Variants in AFF4 observed in about 807,000 individuals in gnomAD.
AFF4 encodes ALF transcription elongation factor 4, also known as AF4/FMR2 family member 4.
A neutral mutation model predicts 124.8 loss-of-function variants in AFF4; 13 were observed. The ratio of observed to expected loss-of-function variants is 0.10; its 90% CI spans 0.07 to 0.17. AFF4 has a LOEUF of 0.17. Ranked by LOEUF, AFF4 falls within the 10% of genes least tolerant of loss-of-function variation. The pLI, the probability that AFF4 is intolerant of heterozygous loss-of-function variation, is 1.00. For missense variants in AFF4, 1,092 were observed against 1,403.8 expected (o/e 0.78, Z 3.55); for synonymous variants, 477 against 496.1 (o/e 0.96, Z 0.51).
chr5:132,953,242 C>T (rs138802060), intron 1 of AFF4, among the ~76,000 whole-genome samples: 5 of 150,974 alleles, frequency 3.3e-5, no homozygotes, highest in Admixed American at 6.6e-5. Context: ...TTTTTAATTT[C>T]GATTTTTTAT....
rs1465402998 is a variant in AFF4 at position 132,963,503 on chromosome 5, G to C, written c.-249C>G. 3 of 397,876 alleles carry C rather than the reference G, an allele frequency of 7.5e-6. No individual in the cohort carries two copies. Among genetic ancestry groups the C allele is most frequent in the Non-Finnish European group, 1.3e-5 (3 of 225,654 alleles). 24.6% of individuals were successfully genotyped at this position (397,876 alleles called of 1,614,324 possible). A position where few individuals can be genotyped will look rare whatever the true frequency, so the allele number is the denominator to read the frequency against. On this transcript the variant is annotated 5_prime_UTR_variant, in exon 1 of 21. Coordinates refer to ENST00000265343, the MANE Select transcript of AFF4 (RefSeq NM_014423.4). ...GTAGGCCCCGCACCGCTCCATGACG[G>C]TCGGGCCCGGGCTGGGACAGCTGAC...
intron 7 of AFF4, chr5:132,901,238 C>G (rs575796430): frequency 1.3e-6 from 1 of 778,442 alleles, no homozygotes; most frequent in South Asian, 5.8e-5. Flanking sequence ...TTTTACCAGA[C>G]TGCTCAGGGC....
chr5:132,882,313 G>T (rs537053812), intron 20 of AFF4, among the ~76,000 whole-genome samples: 89 of 151,856 alleles, frequency 5.9e-4, no homozygotes, highest in African/African-American at 2.1e-3. Context: ...ACCTGTTCAC[G>T]CTGTAAGTAT....
chr5:132,884,961 C>T, intron 19 of AFF4, 115 bp downstream of exon 19: 1 of 621,540 alleles, frequency 1.6e-6, no homozygotes, highest in Non-Finnish European at 2.8e-6. Context: ...AATATTTTAT[C>T]AGAGATGGTT....
Position 132,887,428 on chromosome 5 carries a change from C to G in AFF4, c.3005+93G>C, listed in dbSNP as rs1357585442. On this transcript the variant is annotated intron_variant, in intron 17 of 20. Coordinates refer to ENST00000265343, the MANE Select transcript of AFF4 (RefSeq NM_014423.4). ...AGATTTAAGACAGGATTACAGAAGT[C>G]TGATTCAAGGAAAACATTCAGAAGA... 11 of 1,181,716 alleles carry G rather than the reference C, an allele frequency of 9.3e-6. No homozygotes were observed. The East Asian group carries it at 1.9e-4, about 20-fold the overall frequency. 73.2% of individuals were successfully genotyped at this position (1,181,716 alleles called of 1,614,324 possible). A position where few individuals can be genotyped will look rare whatever the true frequency, so the allele number is the denominator to read the frequency against.
At chr5:132,885,162 C>A in intron 18 of AFF4, 43 bp from the exon 19 acceptor site, 1 of 1,437,512 alleles carries the variant, frequency 7.0e-7, no homozygotes, top group Non-Finnish European at 9.6e-7. Flanking sequence ...CAAAAACCAC[C>A]ACTACTTTAA....
In AFF4 at chr5:132,912,173, CAA is replaced by C. The variant is rs1188332109; in HGVS notation, c.1051-7771_1051-7770del. The stretch of plus-strand genomic sequence containing the variant: ...TTCGAGATTGTCTCTACTAAAAATA[CAA>C]AAAAAAAAAAAAAAAAACATTTAGC... On this transcript the variant is annotated intron_variant, in intron 5 of 20. Transcript: ENST00000265343. Among the ~76,000 whole-genome samples the C allele has an allele frequency of 4.0e-3, 256 of 64,034 alleles. 1 individual carries two copies. Among genetic ancestry groups the C allele is most frequent in the African/African-American group, 7.0e-3 (138 of 19,708 alleles). 42.0% of individuals were successfully genotyped at this position (64,034 alleles called of 152,430 possible). A position where few individuals can be genotyped will look rare whatever the true frequency, so the allele number is the denominator to read the frequency against.
Position 132,883,349 on chromosome 5 carries a change from C to T in AFF4, c.3355G>A (p.Glu1119Lys). 6.2e-7 allele frequency: 1 copy of T among 1,613,386 alleles called. No individual in the cohort carries two copies. Among genetic ancestry groups the T allele is most frequent in the Non-Finnish European group, 8.5e-7 (1 of 1,179,864 alleles). ...IWDQAEQLSK[E>K]QKEFFAELDK... is the part of the protein sequence containing the mutation. Reference sequence around the variant, plus strand: ...CCAGAAACCTACCTACCTTTTTGCTCTTTGGAAAGCTGTTCAGCTTGGTCC... The same window carrying T: ...CCAGAAACCTACCTACCTTTTTGCTTTTTGGAAAGCTGTTCAGCTTGGTCC... The change falls in exon 20 of 21, where the codon GAG becomes AAG. Residue 1119 changes from glutamate (E) to lysine (K), a missense_variant. Around this residue, in one of 11 missense-constraint regions of AFF4, gnomAD observed 173 missense variants for 294.9 expected, o/e 0.59. Coordinates refer to ENST00000265343, the MANE Select transcript of AFF4 (RefSeq NM_014423.4).
At chr5:132,890,224 A>G (rs1052157275) in intron 13 of AFF4, among the ~76,000 whole-genome samples, 4 of 151,840 alleles carry the variant, frequency 2.6e-5, no homozygotes, top group African/African-American at 9.7e-5. Flanking sequence ...GGCTTTCTGA[A>G]TATTATGTTG....
At position 132,878,873 on chromosome 5, in the gene AFF4, GA is replaced by G. The variant is rs921653934; in HGVS notation, c.*2185del. On this transcript the variant is annotated 3_prime_UTR_variant, in exon 21 of 21. Coordinates refer to ENST00000265343, the MANE Select transcript of AFF4 (RefSeq NM_014423.4). Reference sequence around the variant, plus strand: ...AGGTATCCCACTGGCTGTTGTTGCTGAAAGTCTGAAAGCCCAGAGGATACTT... The same window carrying G: ...AGGTATCCCACTGGCTGTTGTTGCTGAAGTCTGAAAGCCCAGAGGATACTT... 4.5e-6 allele frequency: 1 copy of G among 223,070 alleles called. No homozygotes were observed. Among genetic ancestry groups the G allele is most frequent in the Non-Finnish European group, 8.9e-6 (1 of 111,840 alleles). 13.8% of individuals were successfully genotyped at this position (223,070 alleles called of 1,614,324 possible).
At chr5:132,944,311 T>C (rs1761645255) in intron 1 of AFF4, among the ~76,000 whole-genome samples, 5 of 126,150 alleles carry the variant, frequency 4.0e-5, no homozygotes, top group South Asian at 5.8e-4. Flanking sequence ...CACTCCAGCC[T>C]GGGCGACAGC....
chr5:132,955,829 A>C (rs926112906), intron 1 of AFF4, among the ~76,000 whole-genome samples: 32 of 146,332 alleles, frequency 2.2e-4, no homozygotes, highest in Non-Finnish European at 4.5e-4. Context: ...CACACACACA[A>C]AATATATACA....
intron 9 of AFF4, among the ~76,000 whole-genome samples, chr5:132,898,736 G>A (rs747886299): frequency 4.0e-5 from 6 of 151,712 alleles, no homozygotes; most frequent in East Asian, 1.9e-4. Flanking sequence ...CACCCGCCTC[G>A]GCCTCCCAAA....
Position 132,892,198 on chromosome 5 carries a change from T to G in AFF4, c.2603A>C (p.Glu868Ala), listed in dbSNP as rs1760277839. The G allele has an allele frequency of 6.2e-7, 1 of 1,614,116 alleles. No individual in the cohort carries two copies. The highest frequency in any genetic ancestry group is 8.5e-7 in the Non-Finnish European group (1 of 1,180,018). The change falls in exon 13 of 21, where the codon GAA becomes GCA. Residue 868 changes from glutamate (E) to alanine (A), a missense_variant. Glu to Ala is a moderately radical substitution (Grantham distance 107, BLOSUM62 -1). Coordinates refer to ENST00000265343, the MANE Select transcript of AFF4 (RefSeq NM_014423.4). ...SSSTSKQKKT[E>A]GKTSSSSKEV... ...CTTGGAGCTACTGGAAGTCTTCCCTTCGGTCTTCTTCTGCTTTGATGTGGA... is the reference window on the plus strand; with the variant it reads ...CTTGGAGCTACTGGAAGTCTTCCCTGCGGTCTTCTTCTGCTTTGATGTGGA...
At position 132,930,325 on chromosome 5, in the gene AFF4, A is replaced by G. The variant is rs950284506; in HGVS notation, c.963+1853T>C. On this transcript the variant is annotated intron_variant, in intron 4 of 20. Coordinates refer to ENST00000265343, the MANE Select transcript of AFF4 (RefSeq NM_014423.4). ...AACAAGAGAAGGCACAAGGGTTCCAAAAAGGGCAAAGAAAGAGAGGCAAGA... is the reference window on the plus strand; with the variant it reads ...AACAAGAGAAGGCACAAGGGTTCCAGAAAGGGCAAAGAAAGAGAGGCAAGA... Among the ~76,000 whole-genome samples, 5 of 152,196 alleles carry G rather than the reference A, an allele frequency of 3.3e-5. No homozygotes were observed. The East Asian group carries it at 7.7e-4, about 23-fold the overall frequency.
In AFF4 at chr5:132,963,270, GCTCCGCTAGGCCCGAACCAT is replaced by G; in HGVS notation, c.-36_-17del. On this transcript the variant is annotated 5_prime_UTR_variant, in exon 1 of 21. It removes an upstream start codon present in the reference 5' UTR. Transcript: ENST00000265343. ...TCGGCCCTTCTTACCTCCAGTCCCG[GCTCCGCTAGGCCCGAACCAT>G]CTCCTGGCTGCGGCAGTGGCGGCGC... The G allele has an allele frequency of 2.5e-6, 1 of 394,484 alleles. No homozygotes were observed. The highest frequency in any genetic ancestry group is 4.5e-6 in the Non-Finnish European group (1 of 223,748). The allele number at this position is 394,484 out of a possible 1,614,324, so 24.4% of individuals were successfully genotyped here.
intron 7 of AFF4, chr5:132,900,778 T>C (rs965822557): frequency 1.5e-5 from 12 of 788,722 alleles, no homozygotes; most frequent in African/African-American, 3.8e-5. Flanking sequence ...AAACATTCCT[T>C]GTCTTTTTAC....
rs972215137 is a variant in AFF4 at position 132,927,785 on chromosome 5, G to A, written c.964-578C>T. Among the ~76,000 whole-genome samples, 6 of 152,030 alleles carry A rather than the reference G, an allele frequency of 3.9e-5. No homozygotes were observed. In the South Asian group the frequency reaches 6.2e-4, roughly 16 times the overall value. ...CTGGCTATAGAGCCTATATATACTC[G>A]TAGAAAAATTTTGTCAGGGGAAGAA... On this transcript the variant is annotated intron_variant, in intron 4 of 20. Transcript: ENST00000265343.
intron 1 of AFF4, among the ~76,000 whole-genome samples, chr5:132,955,973 G>A (rs867730708): frequency 2.0e-5 from 3 of 147,502 alleles, no homozygotes; most frequent in African/African-American, 5.0e-5. Context: ...TAATGCACAA[G>A]ATGTGTAATA....
Sources: gnomAD v4.1 joint callset for allele counts (sites outside exome capture counted in the v4.1 genomes callset) on GRCh38, gnomAD v4.1.1 for gene constraint, gnomAD v4.1.1 regional missense constraint, MANE v1.5 for transcripts, NCBI Gene and HGNC (gene_info 2026-07-23, HGNC 2026-07-21) for gene names.